Variants in FGF2 observed in about 807,000 individuals in gnomAD.
FGF2 encodes the protein fibroblast growth factor 2.
Under a neutral mutation model 15.9 loss-of-function variants are expected in FGF2, and 13 were observed. The ratio of observed to expected loss-of-function variants is 0.82; its 90% CI spans 0.53 to 1.30. FGF2 has a LOEUF of 1.30. Among genes scored for constraint, FGF2 ranks in the 50% most tolerant of loss-of-function variants. The pLI, the probability that FGF2 is intolerant of heterozygous loss-of-function variation, is 0.00. For missense variants in FGF2, 163 were observed against 196.9 expected, an observed-to-expected ratio of 0.83 and a Z score of 1.03; for synonymous variants, 90 against 78.4, an observed-to-expected ratio of 1.15 and a Z score of -0.78.
intron 2 of FGF2, among the ~76,000 whole-genome samples, chr4:122,878,672 G>C (rs1726904753): frequency 6.6e-6 from 1 of 152,130 alleles, no homozygotes; most frequent in Non-Finnish European, 1.5e-5. Context: ...ACTTGAGGGG[G>C]CCAAGACTGG....
chr4:122,853,994 G>A (rs1227516647), intron 1 of FGF2, among the ~76,000 whole-genome samples: 1 of 152,196 alleles, frequency 6.6e-6, no homozygotes, highest in African/African-American at 2.4e-5. Context: ...GTCTAGAGAG[G>A]AGCTGGGATG....
At chr4:122,866,295 G>A (rs1726579395) in intron 1 of FGF2, among the ~76,000 whole-genome samples, 1 of 151,838 alleles carries the variant, frequency 6.6e-6, no homozygotes, top group Admixed American at 6.6e-5. Flanking sequence ...GTGAACCCAG[G>A]AGGCGGAGCT....
At position 122,826,905 on chromosome 4, in the gene FGF2, A is replaced by T; in HGVS notation, c.-270A>T. The T allele has an allele frequency of 6.6e-7, 1 of 1,505,770 alleles. No homozygotes were observed. The highest frequency in any genetic ancestry group is 8.9e-7 in the Non-Finnish European group (1 of 1,129,178). 93.3% of individuals were successfully genotyped at this position (1,505,770 alleles called of 1,614,324 possible). On this transcript the variant is annotated 5_prime_UTR_variant, in exon 1 of 3. Coordinates refer to ENST00000644866, the MANE Select transcript of FGF2 (RefSeq NM_001361665.2). ...TGCAGCTTGGGAGGCGGCTCTCCCC[A>T]GGCGGCGTCCGCGGAGACACCCATC...
At position 122,859,660 on chromosome 4, in the gene FGF2, A is replaced by ACACACACACACACG. The variant is rs1553948463; in HGVS notation, c.179-16648_179-16647insGCACACACACACAC. On this transcript the variant is annotated intron_variant, in intron 1 of 2. Transcript: ENST00000644866. ...GGTGTGTACATATGTATATACACACACACACACACACACACAAAAGATCTA... is the reference window on the plus strand; with the variant it reads ...GGTGTGTACATATGTATATACACACACACACACACACACGCACACACACACACACAAAAGATCTA... 1.2e-3 allele frequency among the ~76,000 whole-genome samples: 189 copies of ACACACACACACACG among 152,114 alleles called. 1 individual carries two copies. Among genetic ancestry groups the ACACACACACACACG allele is most frequent in the African/African-American group, 4.4e-3 (184 of 41,438 alleles).
chr4:122,839,049 C>G (rs953084249), intron 1 of FGF2, among the ~76,000 whole-genome samples: 1 of 152,102 alleles, frequency 6.6e-6, no homozygotes, highest in Non-Finnish European at 1.5e-5. Flanking sequence ...AGGTTTGCAG[C>G]CCGGGAGCAA....
chr4:122,892,069 G>T (rs1164432824), intron 2 of FGF2, 142 bp from the exon 3 acceptor site: 2 of 739,022 alleles, frequency 2.7e-6, no homozygotes, highest in Non-Finnish European at 2.3e-6. Context: ...ATTGAATCTT[G>T]TTAGTTTGAT....
intron 1 of FGF2, among the ~76,000 whole-genome samples, chr4:122,851,005 G>A (rs900759656): frequency 7.2e-5 from 11 of 152,212 alleles, no homozygotes; most frequent in Non-Finnish European, 1.5e-4. Flanking sequence ...CTTTCTTTGG[G>A]GAGAGAAGAC....
At chr4:122,830,349 T>G (rs1444700689) in intron 1 of FGF2, among the ~76,000 whole-genome samples, 1 of 151,924 alleles carries the variant, frequency 6.6e-6, no homozygotes, top group Non-Finnish European at 1.5e-5. Context: ...AGAGGAAAAT[T>G]TTCTAAAAGA....
intron 1 of FGF2, among the ~76,000 whole-genome samples, chr4:122,858,915 T>G (rs1055110013): frequency 1.3e-5 from 2 of 152,032 alleles, no homozygotes; most frequent in African/African-American, 4.8e-5. Context: ...AAACATAATT[T>G]TATTGGAAAG....
intron 2 of FGF2, among the ~76,000 whole-genome samples, chr4:122,884,059 C>T (rs1377385123): frequency 1.3e-5 from 2 of 152,082 alleles, no homozygotes; most frequent in East Asian, 3.8e-4. Context: ...GAGAAAAATA[C>T]AGTAATTGAA....
chr4:122,842,568 GTAT>G (rs964081407), intron 1 of FGF2, among the ~76,000 whole-genome samples: 2 of 152,188 alleles, frequency 1.3e-5, no homozygotes, highest in Non-Finnish European at 2.9e-5. Context: ...TCGTCTCTGT[GTAT>G]AATTAACAGA....
At chr4:122,852,015 T>C (rs1380307161) in intron 1 of FGF2, among the ~76,000 whole-genome samples, 2 of 152,232 alleles carry the variant, frequency 1.3e-5, no homozygotes, top group African/African-American at 4.8e-5. Context: ...TGTCAAATAA[T>C]AAGTAACCAT....
chr4:122,868,157 T>C (rs1216655986), intron 1 of FGF2, among the ~76,000 whole-genome samples: 2 of 152,220 alleles, frequency 1.3e-5, no homozygotes, highest in Non-Finnish European at 1.5e-5. Context: ...ATTTTTCTTT[T>C]TTTAAAATTT....
chr4:122,834,495 A>G (rs1725825375), intron 1 of FGF2, among the ~76,000 whole-genome samples: 1 of 152,146 alleles, frequency 6.6e-6, no homozygotes. Flanking sequence ...TAGTCTTCTA[A>G]TTTAATCATG....
intron 1 of FGF2, among the ~76,000 whole-genome samples, chr4:122,837,540 A>G (rs1299004484): frequency 1.3e-5 from 2 of 152,100 alleles, no homozygotes; most frequent in Non-Finnish European, 2.9e-5. Flanking sequence ...TACTTTTTCT[A>G]TTAATTATGT....
rs1184392826 is a variant in FGF2, at chr4:122,827,116, C to A, written c.-59C>A. The A allele has an allele frequency of 3.9e-6, 5 of 1,272,212 alleles. No homozygotes were observed. Among genetic ancestry groups the A allele is most frequent in the African/African-American group, 1.6e-5 (1 of 63,472 alleles). 78.8% of individuals were successfully genotyped at this position (1,272,212 alleles called of 1,614,324 possible). ...GGAGGCCGGGGCCGGGGCCGGGGGA[C>A]GGCGGCTCCCCGCGCGGCTCCAGCG... On this transcript the variant is annotated 5_prime_UTR_variant, in exon 1 of 3. Coordinates refer to ENST00000644866, the MANE Select transcript of FGF2 (RefSeq NM_001361665.2). The surrounding 1 kb of genome is among the most constrained non-coding windows in gnomAD (Gnocchi z 4.2).
intron 1 of FGF2, among the ~76,000 whole-genome samples, chr4:122,860,656 C>T (rs1188825890): frequency 6.6e-6 from 1 of 151,854 alleles, no homozygotes; most frequent in East Asian, 1.9e-4. Context: ...AGGTTCTTGC[C>T]ATGTTGACCA....
At chr4:122,887,867 G>T (rs953259978) in intron 2 of FGF2, among the ~76,000 whole-genome samples, 30 of 152,028 alleles carry the variant, frequency 2.0e-4, no homozygotes, top group Middle Eastern at 3.2e-3. Context: ...TTAGACCTGA[G>T]AATACTTGTT....
At chr4:122,850,789 G>GT (rs900644871) in intron 1 of FGF2, among the ~76,000 whole-genome samples, 19 of 152,180 alleles carry the variant, frequency 1.2e-4, no homozygotes, top group East Asian at 7.7e-4. Flanking sequence ...AACATGACCA[G>GT]TTTTTTGTGG....
Sources: allele counts gnomAD v4.1 joint callset (sites outside exome capture counted in the v4.1 genomes callset), GRCh38; gene constraint gnomAD v4.1.1; non-coding constraint Gnocchi (gnomAD v3.1); transcripts MANE v1.5; gene names NCBI Gene and HGNC (gene_info 2026-07-23, HGNC 2026-07-21).